CIMIP7: variants seen among roughly 807,000 people sequenced by gnomAD.
CIMIP7 encodes ciliary microtubule inner protein 7, also known as uncharacterized protein C3orf84.
chr3:49,190,663 ATTTTTTTTTTTT>A, the CIMIP7 span, among the ~76,000 whole-genome samples: 4 of 99,994 alleles, frequency 4.0e-5, no homozygotes, highest in South Asian at 6.6e-4. Flanking sequence ...GCCAGGCTGA[ATTTTTTTTTTTT>A]TTTTTTTTTT....
the CIMIP7 span, among the ~76,000 whole-genome samples, chr3:49,186,017 T>G: frequency 6.9e-6 from 1 of 145,240 alleles, no homozygotes. Flanking sequence ...TTTTTTTTTT[T>G]GACACAGAGT....
chr3:49,178,474 G>T, the CIMIP7 span: 1 of 1,612,866 alleles, frequency 6.2e-7, no homozygotes, highest in Non-Finnish European at 8.5e-7. Context: ...CCTGTCTTCG[G>T]CACTCACTTT....
the CIMIP7 span, among the ~76,000 whole-genome samples, chr3:49,184,479 A>C: frequency 6.6e-6 from 1 of 151,520 alleles, no homozygotes; most frequent in Non-Finnish European, 1.5e-5. Flanking sequence ...GTGCCACCAC[A>C]CTGGCTAATT....
the CIMIP7 span, chr3:49,177,958 A>G: frequency 2.5e-6 from 4 of 1,613,662 alleles, no homozygotes; most frequent in Admixed American, 5.0e-5. Context: ...GCGCAACTCT[A>G]TCTCACAGGG....
At chr3:49,185,407 A>G in the CIMIP7 span, among the ~76,000 whole-genome samples, 1 of 150,908 alleles carries the variant, frequency 6.6e-6, no homozygotes, top group Non-Finnish European at 1.5e-5. Context: ...TCTACTAAAA[A>G]TAAAAAAAAT....
chr3:49,190,222 A>G, the CIMIP7 span: 1 of 913,332 alleles, frequency 1.1e-6, no homozygotes, highest in East Asian at 2.7e-5. Context: ...TGAGGGTTCC[A>G]GGAAAGCCAG....
chr3:49,179,186 A>T, the CIMIP7 span, among the ~76,000 whole-genome samples: 1 of 152,024 alleles, frequency 6.6e-6, no homozygotes, highest in South Asian at 2.1e-4. Flanking sequence ...CCCCACATTG[A>T]ATATGCAAGT....
the CIMIP7 span, chr3:49,178,503 G>T: frequency 3.1e-6 from 5 of 1,613,732 alleles, no homozygotes; most frequent in Non-Finnish European, 4.2e-6. Context: ...AAGTACGGTT[G>T]TCGTGCTTGG....
the CIMIP7 span, chr3:49,178,618 G>A: frequency 7.8e-7 from 1 of 1,278,466 alleles, no homozygotes; most frequent in Non-Finnish European, 1.1e-6. Context: ...CTGCCTCAGG[G>A]TCCTTAATGG....
At chr3:49,182,876 C>A in the CIMIP7 span, among the ~76,000 whole-genome samples, 1 of 152,202 alleles carries the variant, frequency 6.6e-6, no homozygotes, top group Non-Finnish European at 1.5e-5. Context: ...GTGCTAAGCC[C>A]CTCACTGCCC....
the CIMIP7 span, chr3:49,189,791 C>A: frequency 1.5e-6 from 1 of 676,672 alleles, no homozygotes; most frequent in South Asian, 1.4e-5. Context: ...CCCGGCTAGG[C>A]CCTTACCCTT....
chr3:49,182,896 G>C, the CIMIP7 span, among the ~76,000 whole-genome samples: 1 of 152,216 alleles, frequency 6.6e-6, no homozygotes, highest in African/African-American at 2.4e-5. Context: ...CGGGGCGGGG[G>C]GGCCAGCCAC....
At chr3:49,190,059 G>A in the CIMIP7 span, 1 of 1,613,630 alleles carries the variant, frequency 6.2e-7, no homozygotes, top group Admixed American at 1.7e-5. Context: ...TGGAGGCTGG[G>A]GCTTGGCTGC....
the CIMIP7 span, among the ~76,000 whole-genome samples, chr3:49,189,085 T>G: frequency 6.6e-6 from 1 of 152,064 alleles, no homozygotes; most frequent in Non-Finnish European, 1.5e-5. Context: ...TTCTCCTGCC[T>G]TAGCCTCCCG....
At chr3:49,186,321 T>C in the CIMIP7 span, among the ~76,000 whole-genome samples, 1 of 151,758 alleles carries the variant, frequency 6.6e-6, no homozygotes, top group African/African-American at 2.4e-5. Context: ...CACTGCAAGC[T>C]CCACCTCCCG....
the CIMIP7 span, chr3:49,177,930 T>C: frequency 6.2e-7 from 1 of 1,613,828 alleles, no homozygotes. Context: ...GGTAAGAAGA[T>C]TCCAGGGGCC....
At chr3:49,189,782 C>G in the CIMIP7 span, 1 of 638,178 alleles carries the variant, frequency 1.6e-6, no homozygotes, top group African/African-American at 1.8e-5. Context: ...GCTACCCACC[C>G]CGGCTAGGCC....
the CIMIP7 span, among the ~76,000 whole-genome samples, chr3:49,183,210 A>C: frequency 2.0e-5 from 3 of 152,232 alleles, no homozygotes; most frequent in Non-Finnish European, 4.4e-5. Context: ...CATCAGGGAA[A>C]TGCAAATTAA....
At chr3:49,181,915 T>C in the CIMIP7 span, among the ~76,000 whole-genome samples, 1 of 152,264 alleles carries the variant, frequency 6.6e-6, no homozygotes, top group East Asian at 1.9e-4. Context: ...CCTTCTGACG[T>C]TCGGATGTGT....
Sources: gnomAD v4.1 joint callset for allele counts (sites outside exome capture counted in the v4.1 genomes callset) on GRCh38, gnomAD v4.1.1 for gene constraint, MANE v1.5 for transcripts, NCBI Gene and HGNC (gene_info 2026-07-23, HGNC 2026-07-21) for gene names.